Variants in MAMDC2 observed in about 807,000 individuals in gnomAD.
MAMDC2 encodes MAM domain-containing protein 2.
A neutral mutation model predicts 89.8 loss-of-function variants in MAMDC2; 57 were observed. That is an observed-to-expected ratio of 0.63 (90% CI 0.51 to 0.79). The LOEUF is 0.79. MAMDC2 is among the 30% of genes least tolerant of loss of function. MAMDC2 has a pLI of 0.00. For missense variants in MAMDC2, 800 were observed against 820.6 expected (o/e 0.97, Z 0.31); for synonymous variants, 313 against 293.4 (o/e 1.07, Z -0.68).
intron 12 of MAMDC2, among the ~76,000 whole-genome samples, chr9:70,220,153 C>G (rs548741003): frequency 9.9e-5 from 15 of 152,106 alleles, no homozygotes; most frequent in Non-Finnish European, 1.5e-4. Context: ...AACTCTCAAG[C>G]GATACTGATG....
chr9:70,166,976 T>C (rs1397744636), intron 9 of MAMDC2, among the ~76,000 whole-genome samples: 1 of 152,166 alleles, frequency 6.6e-6, no homozygotes, highest in African/African-American at 2.4e-5. Context: ...CAAAAAAAGT[T>C]ACTGCTAAAA....
intron 2 of MAMDC2, among the ~76,000 whole-genome samples, chr9:70,058,884 G>T (rs1009479684): frequency 2.0e-5 from 3 of 152,116 alleles, no homozygotes; most frequent in Admixed American, 6.6e-5. Flanking sequence ...TTTAGAAATG[G>T]CACAGTGCCC....
chr9:70,181,491 AT>A (rs918310826), intron 11 of MAMDC2, among the ~76,000 whole-genome samples: 1 of 151,884 alleles, frequency 6.6e-6, no homozygotes, highest in Non-Finnish European at 1.5e-5. Context: ...TAAGCATGGA[AT>A]TTTTTTTCCA....
chr9:70,218,188 A>T, intron 11 of MAMDC2, 149 bp from the exon 12 acceptor site: 1 of 747,506 alleles, frequency 1.3e-6, no homozygotes, highest in Non-Finnish European at 2.1e-6. Flanking sequence ...CATTCTCCTT[A>T]GATAATATGC....
chr9:70,170,459 C>T lies in MAMDC2; in HGVS notation c.1499-20C>T. On this transcript the variant is annotated intron_variant, in intron 10 of 13. Transcript: ENST00000377182. The stretch of plus-strand genomic sequence containing the variant: ...ATTGAAAGAGTCTCAGTGATTGCAA[C>T]ATCTGCTATTTTCTTGCAGAGAAAC... 1 of 1,591,902 alleles carries T rather than the reference C, an allele frequency of 6.3e-7. No homozygotes were observed.
chr9:70,206,253 A>G (rs928843505), intron 11 of MAMDC2, among the ~76,000 whole-genome samples: 37 of 152,288 alleles, frequency 2.4e-4, no homozygotes, highest in African/African-American at 7.7e-4. Flanking sequence ...TAAGTTTTAA[A>G]TTGTGCACCA....
At chr9:70,141,110 T>G (rs1278017945) in intron 8 of MAMDC2, among the ~76,000 whole-genome samples, 1 of 152,196 alleles carries the variant, frequency 6.6e-6, no homozygotes, top group Non-Finnish European at 1.5e-5. Context: ...GCCCCTGCCT[T>G]CTACCAGCCT....
intron 2 of MAMDC2, among the ~76,000 whole-genome samples, chr9:70,058,611 G>A (rs1051392313): frequency 1.3e-5 from 2 of 152,114 alleles, no homozygotes; most frequent in African/African-American, 4.8e-5. Flanking sequence ...AGGTCTTCAA[G>A]ATCCTAGGCA....
chr9:70,197,224 A>G (rs555296004), intron 11 of MAMDC2, among the ~76,000 whole-genome samples: 38 of 152,250 alleles, frequency 2.5e-4, no homozygotes, highest in African/African-American at 8.7e-4. Flanking sequence ...TACAGATGCA[A>G]TAACATTCAT....
intron 9 of MAMDC2, among the ~76,000 whole-genome samples, chr9:70,165,000 T>TTAAA (rs10634001): frequency 0.86 from 127,981 of 149,502 alleles, 55,031 homozygotes; most frequent in East Asian, 0.96. Flanking sequence ...TGGTACCCTC[T>TTAAA]TAGATACTAA....
At chr9:70,057,643 T>G (rs1827053653) in intron 2 of MAMDC2, among the ~76,000 whole-genome samples, 1 of 152,194 alleles carries the variant, frequency 6.6e-6, no homozygotes, top group Non-Finnish European at 1.5e-5. Flanking sequence ...GAGCACAATA[T>G]TAGCCTAGTA....
chr9:70,189,203 GC>G (rs1435759232), intron 11 of MAMDC2, among the ~76,000 whole-genome samples: 2 of 152,136 alleles, frequency 1.3e-5, no homozygotes. Context: ...AGTACACTTT[GC>G]TTTTAGCCTG....
At chr9:70,197,348 G>C (rs1245105772) in intron 11 of MAMDC2, among the ~76,000 whole-genome samples, 2 of 152,098 alleles carry the variant, frequency 1.3e-5, no homozygotes, top group Admixed American at 1.3e-4. Context: ...GAAGAAGTTA[G>C]GAAAATCATT....
At chr9:70,051,241 A>G (rs1485781533) in intron 2 of MAMDC2, among the ~76,000 whole-genome samples, 1 of 152,184 alleles carries the variant, frequency 6.6e-6, no homozygotes, top group African/African-American at 2.4e-5. Context: ...GTGTCTGGGC[A>G]GCCTCCTCCT....
rs142080383 is a variant in MAMDC2, at chr9:70,175,883, C to T, written c.1651+5252C>T. 4.0e-3 allele frequency: 608 copies of T among 152,282 alleles called. 3 individuals are homozygous for T. The highest frequency in any genetic ancestry group is 0.013 in the African/African-American group (553 of 41,558). 9.4% of individuals were successfully genotyped at this position (152,282 alleles called of 1,614,324 possible). A position where few individuals can be genotyped will look rare whatever the true frequency, so the allele number is the denominator to read the frequency against. On this transcript the variant is annotated intron_variant, in intron 11 of 13. Transcript: ENST00000377182. Reference sequence around the variant, plus strand: ...CCTTTCCTCTGTGCCAGTGCACCCCCGATATGTATCTTCTTGTAAGTTCAC... The same window carrying T: ...CCTTTCCTCTGTGCCAGTGCACCCCTGATATGTATCTTCTTGTAAGTTCAC...
At chr9:70,098,058 A>C (rs1430969797) in intron 2 of MAMDC2, among the ~76,000 whole-genome samples, 3 of 152,196 alleles carry the variant, frequency 2.0e-5, no homozygotes, top group East Asian at 1.9e-4. Context: ...GATATGAAGT[A>C]CCTTGTTGTC....
intron 11 of MAMDC2, among the ~76,000 whole-genome samples, chr9:70,199,859 G>C (rs964617316): frequency 3.2e-4 from 49 of 150,864 alleles, no homozygotes; most frequent in Non-Finnish European, 4.4e-4. Context: ...CTTTTGAGAA[G>C]TGTCTGTTCA....
At chr9:70,120,413 G>A (rs2030231326) in intron 5 of MAMDC2, among the ~76,000 whole-genome samples, 1 of 152,188 alleles carries the variant, frequency 6.6e-6, no homozygotes, top group Non-Finnish European at 1.5e-5. Flanking sequence ...TTCCATGAGT[G>A]GTTCGCTTAA....
In MAMDC2 at chr9:70,109,813, G is replaced by A; in HGVS notation, c.505+9G>A. The A allele has an allele frequency of 6.2e-7, 1 of 1,604,368 alleles. No individual in the cohort carries two copies. The highest frequency in any genetic ancestry group is 1.1e-5 in the South Asian group (1 of 90,436). ...AACCGGCTACTGTATTGGTAAGTGG[G>A]CTTCATTTTCATTAAATCAAATTGT... is the stretch of plus-strand genomic sequence containing the variant. On this transcript the variant is annotated intron_variant, in intron 4 of 13. Transcript: ENST00000377182.
Sources: gnomAD v4.1 joint callset for allele counts (sites outside exome capture counted in the v4.1 genomes callset) on GRCh38, gnomAD v4.1.1 for gene constraint, MANE v1.5 for transcripts, NCBI Gene and HGNC (gene_info 2026-07-23, HGNC 2026-07-21) for gene names.